PBX3: variants seen among roughly 807,000 people sequenced by gnomAD.
PBX3 encodes the protein pre-B-cell leukemia transcription factor 3.
Under a neutral mutation model 48.5 loss-of-function variants are expected in PBX3, and 14 were observed. That is an observed-to-expected ratio of 0.29 (90% confidence interval 0.19 to 0.45). The LOEUF is 0.45. PBX3 is among the 20% of genes least tolerant of loss of function. PBX3 has a pLI of 1.00. For synonymous variants in PBX3, 210 were observed against 200.3 expected (o/e 1.05, Z -0.41); for missense variants, 386 against 546.7 (o/e 0.71, Z 2.93).
chr9:125,827,383 G>A (rs1211683037), intron 2 of PBX3, among the ~76,000 whole-genome samples: 2 of 152,022 alleles, frequency 1.3e-5, no homozygotes, highest in Admixed American at 1.3e-4. Flanking sequence ...TATGTTTGAA[G>A]TTTCCCCATC....
chr9:125,899,448 T>TAGAG (rs1234401973), intron 2 of PBX3, among the ~76,000 whole-genome samples: 14 of 78,594 alleles, frequency 1.8e-4, no homozygotes, highest in African/African-American at 7.6e-4. Flanking sequence ...TGTGTATATA[T>TAGAG]ATATATAGAG....
chr9:125,846,715 G>A (rs910211133), intron 2 of PBX3, among the ~76,000 whole-genome samples: 4 of 151,872 alleles, frequency 2.6e-5, no homozygotes, highest in Non-Finnish European at 4.4e-5. Flanking sequence ...ATTTCATCAT[G>A]TACCCCTAAG....
chr9:125,867,795 CATAT>C (rs886791516), intron 2 of PBX3, among the ~76,000 whole-genome samples: 3 of 151,748 alleles, frequency 2.0e-5, no homozygotes, highest in Non-Finnish European at 4.4e-5. Context: ...TATACACACA[CATAT>C]ATATACACAT....
intron 2 of PBX3, among the ~76,000 whole-genome samples, chr9:125,850,263 T>A (rs1432741153): frequency 6.6e-6 from 1 of 152,068 alleles, no homozygotes; most frequent in Non-Finnish European, 1.5e-5. Flanking sequence ...CAGAATTTTC[T>A]GAATGATGGG....
rs1207569041 is a variant in PBX3 at position 125,759,249 on chromosome 9, G to A, written c.274+10626G>A. 6.6e-6 allele frequency among the ~76,000 whole-genome samples: 1 copy of A among 152,194 alleles called. No homozygotes were observed. The highest frequency in any genetic ancestry group is 2.4e-5 in the African/African-American group (1 of 41,442). The stretch of plus-strand genomic sequence containing the variant: ...GCAAAAATCTGCCCTAAATGCCTCA[G>A]TAAATATATGCTGGAGAACAGAAGC... On this transcript the variant is annotated intron_variant, in intron 2 of 8. Coordinates refer to ENST00000373489, the MANE Select transcript of PBX3 (RefSeq NM_006195.6). The surrounding 1 kb of genome is among the most constrained non-coding windows in gnomAD (Gnocchi z 4.2).
chr9:125,791,143 T>C (rs1040829604), intron 2 of PBX3, among the ~76,000 whole-genome samples: 1 of 152,140 alleles, frequency 6.6e-6, no homozygotes, highest in African/African-American at 2.4e-5. Flanking sequence ...CTTGAACTCC[T>C]GACTTCAGGT....
intron 2 of PBX3, among the ~76,000 whole-genome samples, chr9:125,873,729 T>G (rs569029688): frequency 6.6e-6 from 1 of 152,230 alleles, no homozygotes; most frequent in East Asian, 1.9e-4. Context: ...GTTTACATTA[T>G]AAAGATTTTT....
chr9:125,893,016 CTACAA>C (rs1840685891), intron 2 of PBX3, among the ~76,000 whole-genome samples: 1 of 152,314 alleles, frequency 6.6e-6, no homozygotes, highest in East Asian at 1.9e-4. Context: ...AATTACTACA[CTACAA>C]TACATTAATT....
intron 2 of PBX3, chr9:125,748,868 C>T: frequency 2.9e-6 from 1 of 342,884 alleles, no homozygotes; most frequent in Non-Finnish European, 5.4e-6. Context: ...CGGCGGCCGC[C>T]CCTGGCTGCA....
rs140689918 is a variant in PBX3 at position 125,933,224 on chromosome 9, T to C, written c.708-2248T>C. 4.1e-4 allele frequency among the ~76,000 whole-genome samples: 63 copies of C among 152,332 alleles called. 2 individuals carry two copies. The East Asian group carries it at 0.011, about 26-fold the overall frequency. The stretch of plus-strand genomic sequence containing the variant: ...CTAGGCAAACATGCTCAGTCAGATA[T>C]ATGATTCCCTTGCTCACTCTGACTT... On this transcript the variant is annotated intron_variant, in intron 4 of 8. Coordinates refer to ENST00000373489, the MANE Select transcript of PBX3 (RefSeq NM_006195.6).
At chr9:125,922,743 G>A (rs907896589) in intron 3 of PBX3, among the ~76,000 whole-genome samples, 2 of 152,136 alleles carry the variant, frequency 1.3e-5, no homozygotes, top group Non-Finnish European at 2.9e-5. Context: ...TTTAAAAAAT[G>A]TATGCCTTTT....
chr9:125,757,319 A>G (rs1173852636), intron 2 of PBX3, among the ~76,000 whole-genome samples: 4 of 151,738 alleles, frequency 2.6e-5, no homozygotes, highest in Non-Finnish European at 5.9e-5. Flanking sequence ...GTTGGAATTC[A>G]TAGTCAGATA....
At chr9:125,950,269 A>G (rs1006709936) in intron 5 of PBX3, among the ~76,000 whole-genome samples, 4 of 152,236 alleles carry the variant, frequency 2.6e-5, no homozygotes, top group African/African-American at 9.6e-5. Flanking sequence ...CAGAGTAGAA[A>G]GGGCAAAGCT....
intron 2 of PBX3, among the ~76,000 whole-genome samples, chr9:125,848,060 C>T (rs1171360370): frequency 6.6e-6 from 1 of 152,014 alleles, no homozygotes; most frequent in African/African-American, 2.4e-5. Flanking sequence ...TCACATCCAG[C>T]TCATTGGTGC....
At chr9:125,797,298 A>G (rs185390206) in intron 2 of PBX3, 5 of 152,282 alleles carry the variant, frequency 3.3e-5, no homozygotes, top group Admixed American at 6.5e-5. Context: ...CTAATCAGTA[A>G]TGAAGTTTCC....
At chr9:125,905,110 A>G (rs1841040239) in intron 2 of PBX3, among the ~76,000 whole-genome samples, 1 of 151,980 alleles carries the variant, frequency 6.6e-6, no homozygotes, top group Non-Finnish European at 1.5e-5. Context: ...AATAATGAGC[A>G]TTTCTTTTCA....
chr9:125,954,789 G>A (rs752697008), intron 5 of PBX3, among the ~76,000 whole-genome samples: 33 of 152,052 alleles, frequency 2.2e-4, no homozygotes, highest in Non-Finnish European at 4.6e-4. Flanking sequence ...CGCCCGCCTC[G>A]GCCTCCCAAA....
chr9:125,828,438 G>T (rs1838866848), intron 2 of PBX3, among the ~76,000 whole-genome samples: 1 of 152,146 alleles, frequency 6.6e-6, no homozygotes. Flanking sequence ...AGGGAGATGG[G>T]AATGAATACA....
rs750032236 is a variant in PBX3 at position 125,963,051 on chromosome 9, T to C, written c.1162T>C (p.Tyr388His). Residue 388 changes from tyrosine (Y) to histidine (H), a missense_variant, in exon 8 of 9, where the codon TAC becomes CAC. Transcript: ENST00000373489. ...LRHVINQTGG[Y>H]SDGLGGNSLY... ...TCATGTTATCAATCAGACGGGAGGC[T>C]ACAGTGATGGCCTTGGAGGAAATTC... is the stretch of plus-strand genomic sequence containing the variant. 4 of 1,611,058 alleles carry C rather than the reference T, an allele frequency of 2.5e-6. No individual in the cohort carries two copies. Among genetic ancestry groups the C allele is most frequent in the Non-Finnish European group, 3.4e-6 (4 of 1,177,686 alleles).
Sources: allele counts gnomAD v4.1 joint callset (sites outside exome capture counted in the v4.1 genomes callset), GRCh38; gene constraint gnomAD v4.1.1; non-coding constraint Gnocchi (gnomAD v3.1); transcripts MANE v1.5; gene names NCBI Gene and HGNC (gene_info 2026-07-23, HGNC 2026-07-21).